The following PCA3 variants were observed in gnomAD, a reference collection of about 807,000 sequenced individuals.
The protein encoded by PCA3 is Differential Display code 3.
At chr9:76,776,947 A>C (rs1396090751) in intron 2 of PCA3, among the ~76,000 whole-genome samples, 14 of 108,424 alleles carry the variant, frequency 1.3e-4, no homozygotes, top group Non-Finnish European at 2.7e-4. Context: ...CACACACACA[A>C]AGGGCCTGGA....
At chr9:76,786,427 C>T (rs1450466057) in intron 2 of PCA3, 1 of 152,478 alleles carries the variant, frequency 6.6e-6, no homozygotes, top group Non-Finnish European at 1.5e-5. Flanking sequence ...ACAGCAGGAC[C>T]CAACGCATGT....
At chr9:76,784,107 C>CT (rs1178216314) in intron 2 of PCA3, 1 of 152,254 alleles carries the variant, frequency 6.6e-6, no homozygotes, top group Non-Finnish European at 1.5e-5. Context: ...TTGTCCTCCA[C>CT]TTTCACAGAT....
At chr9:76,777,872 G>A (rs2053969642) in intron 2 of PCA3, among the ~76,000 whole-genome samples, 1 of 152,144 alleles carries the variant, frequency 6.6e-6, no homozygotes, top group Non-Finnish European at 1.5e-5. Context: ...AGGTATCTAG[G>A]GAAACTGTTT....
chr9:76,781,524 T>G (rs894411048), intron 2 of PCA3, among the ~76,000 whole-genome samples: 3 of 152,250 alleles, frequency 2.0e-5, no homozygotes, highest in Non-Finnish European at 4.4e-5. Context: ...TTTATAAACT[T>G]AAAAATTACT....
chr9:76,779,569 T>C (rs1033340276), intron 2 of PCA3: 4 of 152,212 alleles, frequency 2.6e-5, no homozygotes, highest in African/African-American at 4.8e-5. Context: ...AAGGACAGCA[T>C]TGTGGCTTGG....
intron 2 of PCA3, among the ~76,000 whole-genome samples, chr9:76,765,522 C>A (rs1426048576): frequency 6.6e-6 from 1 of 152,124 alleles, no homozygotes; most frequent in Non-Finnish European, 1.5e-5. Flanking sequence ...CTCATAATTG[C>A]ATTCTAGCAA....
At chr9:76,780,459 G>A (rs550682352) in intron 2 of PCA3, among the ~76,000 whole-genome samples, 16 of 152,156 alleles carry the variant, frequency 1.1e-4, no homozygotes, top group African/African-American at 3.4e-4. Flanking sequence ...AGGCCGAGGC[G>A]GGCGGATCAC....
chr9:76,770,467 C>T (rs2052972419), intron 2 of PCA3, among the ~76,000 whole-genome samples: 2 of 151,874 alleles, frequency 1.3e-5, no homozygotes, highest in Admixed American at 1.3e-4. Context: ...ATATATGATT[C>T]AAAAATTGAA....
At chr9:76,777,438 T>C (rs2053923969) in intron 2 of PCA3, among the ~76,000 whole-genome samples, 1 of 152,200 alleles carries the variant, frequency 6.6e-6, no homozygotes, top group Non-Finnish European at 1.5e-5. Context: ...CACAGAGCTC[T>C]GAGCTCAGCA....
At chr9:76,771,860 C>T (rs576604777) in intron 2 of PCA3, among the ~76,000 whole-genome samples, 165 of 152,056 alleles carry the variant, frequency 1.1e-3, no homozygotes, top group Non-Finnish European at 2.0e-3. Flanking sequence ...GCAGACCACA[C>T]CCTAAGTGAG....
At chr9:76,775,483 T>C (rs1292769820) in intron 2 of PCA3, among the ~76,000 whole-genome samples, 1 of 150,404 alleles carries the variant, frequency 6.6e-6, no homozygotes, top group Non-Finnish European at 1.5e-5. Context: ...TTTTTTTTTG[T>C]AGAGATGGGA....
At chr9:76,785,489 A>C (rs1564299994) in intron 2 of PCA3, 1 of 152,194 alleles carries the variant, frequency 6.6e-6, no homozygotes, top group Non-Finnish European at 1.5e-5. Context: ...TCTCTATCAC[A>C]ATATCCAACA....
chr9:76,779,006 T>C (rs1434568946), intron 2 of PCA3: 3 of 152,192 alleles, frequency 2.0e-5, no homozygotes, highest in African/African-American at 7.2e-5. Context: ...TCACTAGTCA[T>C]CTTAAATAAA....
chr9:76,784,525 T>A (rs192316440), intron 2 of PCA3: 1 of 152,272 alleles, frequency 6.6e-6, no homozygotes, highest in East Asian at 1.9e-4. Flanking sequence ...TTGTAATATC[T>A]GATCTCTACG....
intron 2 of PCA3, among the ~76,000 whole-genome samples, chr9:76,769,728 G>A (rs1051524196): frequency 2.6e-5 from 4 of 152,236 alleles, no homozygotes; most frequent in African/African-American, 7.2e-5. Context: ...AATATATGTC[G>A]TTATATTCTG....
At chr9:76,773,739 C>T (rs375369250) in intron 2 of PCA3, among the ~76,000 whole-genome samples, 1 of 152,110 alleles carries the variant, frequency 6.6e-6, no homozygotes, top group Non-Finnish European at 1.5e-5. Context: ...CCACCGCACC[C>T]GGCCAAGTAC....
chr9:76,772,425 G>C (rs556687186), intron 2 of PCA3, among the ~76,000 whole-genome samples: 1 of 152,072 alleles, frequency 6.6e-6, no homozygotes, highest in South Asian at 2.1e-4. Flanking sequence ...CACTTGCTAC[G>C]TAGTCTTGAA....
chr9:76,782,000 G>A (rs2054463223), intron 2 of PCA3, among the ~76,000 whole-genome samples: 1 of 151,960 alleles, frequency 6.6e-6, no homozygotes, highest in Admixed American at 6.5e-5. Flanking sequence ...GGATCATGAG[G>A]TCAGGAGATT....
At chr9:76,784,964 T>C (rs973425901) in intron 2 of PCA3, 1 of 152,204 alleles carries the variant, frequency 6.6e-6, no homozygotes, top group African/African-American at 2.4e-5. Flanking sequence ...GCTATGGGAA[T>C]TTAATTACAT....
Sources: gnomAD v4.1 joint callset for allele counts (sites outside exome capture counted in the v4.1 genomes callset) on GRCh38, gnomAD v4.1.1 for gene constraint, MANE v1.5 for transcripts, NCBI Gene and HGNC (gene_info 2026-07-23, HGNC 2026-07-21) for gene names.